Variants in COG6 observed in about 807,000 individuals in gnomAD.
COG6 encodes the protein conserved oligomeric Golgi complex subunit 6.
Under a neutral mutation model 88.8 loss-of-function variants are expected in COG6, and 74 were observed. That is an observed-to-expected ratio of 0.83 (90% CI 0.69 to 1.01). The LOEUF (loss-of-function observed/expected upper bound fraction) is 1.01, where lower values mean the gene tolerates loss of function less well. COG6 is among the 50% of genes least tolerant of loss of function. The pLI, the probability that COG6 is intolerant of heterozygous loss-of-function variation, is 0.00. For missense variants in COG6, 800 were observed against 797.9 expected, an observed-to-expected ratio of 1.00 and a Z score of -0.03; for synonymous variants, 286 against 278.7, an observed-to-expected ratio of 1.03 and a Z score of -0.26.
chr13:39,760,176 C>T (rs897544079), intron 18 of COG6, among the ~76,000 whole-genome samples: 4 of 152,046 alleles, frequency 2.6e-5, no homozygotes, highest in African/African-American at 9.7e-5. Context: ...GAGATTGCCC[C>T]GAGTCTTTCT....
chr13:39,678,031 C>T (rs1017731498), intron 5 of COG6: 3 of 446,948 alleles, frequency 6.7e-6, no homozygotes, highest in Non-Finnish European at 8.9e-6. Flanking sequence ...TTATCTCCTT[C>T]ATACATCATA....
At position 39,660,828 on chromosome 13, in the gene COG6, G is replaced by T; in HGVS notation, c.316G>T (p.Glu106Ter). The change falls in exon 3 of 19, where the codon GAA becomes TAA. Residue 106 changes from glutamate to a stop codon, truncating the protein, a stop_gained. Transcript: ENST00000455146. LOFTEE classifies it high-confidence loss of function. ...EVKEELESIS[E>*]DVQAMSNCCQ... is the part of the protein sequence containing the mutation. ...TTTTCAGGAACTTGAAAGCATAAGC[G>T]AAGATGTTCAAGCAATGAGCAACTG... The T allele has an allele frequency of 6.2e-7, 1 of 1,608,738 alleles. No individual in the cohort carries two copies. The highest frequency in any genetic ancestry group is 1.1e-5 in the South Asian group (1 of 90,982).
rs1235649396 is a variant in COG6 at position 39,665,123 on chromosome 13, A to G, written c.397A>G (p.Ile133Val). Residue 133 changes from isoleucine to valine, a missense_variant, in exon 4 of 19, where the codon ATA becomes GTA. Physicochemically the swap from Ile to Val is conservative, Grantham distance 29 (BLOSUM62 3). Coordinates refer to ENST00000455146, the MANE Select transcript of COG6 (RefSeq NM_020751.3). The part of the protein sequence containing the change: ...QAAKEQTQDL[I>V]VKTTKLQSES... ...AGCAAAGGAACAGACTCAAGATTTA[A>G]TAGTAAAAACCACTAAGCTTCAATC... is the stretch of plus-strand genomic sequence containing the variant. 4 of 1,518,682 alleles carry G rather than the reference A, an allele frequency of 2.6e-6. No individual in the cohort carries two copies. Among genetic ancestry groups the G allele is most frequent in the Non-Finnish European group, 2.7e-6 (3 of 1,094,042 alleles). 94.1% of individuals were successfully genotyped at this position (1,518,682 alleles called of 1,614,324 possible).
chr13:39,726,175 T>C (rs1879126133), intron 17 of COG6, among the ~76,000 whole-genome samples: 1 of 151,962 alleles, frequency 6.6e-6, no homozygotes, highest in South Asian at 2.1e-4. Context: ...CAATTCAGCA[T>C]GTCCAAAACT....
Position 39,655,780 on chromosome 13 carries a change from C to T in COG6, c.54C>T (p.Asn18=). 1.3e-6 allele frequency: 2 copies of T among 1,596,114 alleles called. No individual in the cohort carries two copies. Among genetic ancestry groups the T allele is most frequent in the Non-Finnish European group, 1.7e-6 (2 of 1,171,616 alleles). Residue 18 remains asparagine (N), a synonymous_variant, in exon 1 of 19, where the codon AAC becomes AAT. Coordinates refer to ENST00000455146, the MANE Select transcript of COG6 (RefSeq NM_020751.3). ...CAGTGTCTGCGACCGGGGCTGCCAA[C>T]GGCCTCAACAATGGGGCAGGCGGGA... ...VVAVSATGAA[N]GLNNGAGGTS...
chr13:39,667,886 T>G (rs1284138363), intron 4 of COG6, among the ~76,000 whole-genome samples: 1 of 152,224 alleles, frequency 6.6e-6, no homozygotes, highest in Non-Finnish European at 1.5e-5. Context: ...TAAAAAAGGC[T>G]AAATTTTATT....
At chr13:39,716,048 A>G (rs1364293504) in intron 13 of COG6, among the ~76,000 whole-genome samples, 1 of 152,022 alleles carries the variant, frequency 6.6e-6, no homozygotes, top group Non-Finnish European at 1.5e-5. Context: ...ATTTATTTGA[A>G]TCTAATGAAA....
chr13:39,730,398 C>A (rs925713857), intron 18 of COG6, among the ~76,000 whole-genome samples: 1 of 152,012 alleles, frequency 6.6e-6, no homozygotes, highest in African/African-American at 2.4e-5. Context: ...TTTAGACGAA[C>A]AGAAATTATG....
chr13:39,719,928 T>G, intron 15 of COG6, 101 bp downstream of exon 15: 1 of 855,674 alleles, frequency 1.2e-6, no homozygotes, highest in Non-Finnish European at 1.9e-6. Flanking sequence ...ACCTAATTCC[T>G]ATAGATCCCT....
rs142764359 is a variant in COG6, at chr13:39,724,087, T to C, written c.1693-421T>C. Among the ~76,000 whole-genome samples, 773 of 152,178 alleles carry C rather than the reference T, an allele frequency of 5.1e-3. 9 individuals are homozygous for C. The highest frequency in any genetic ancestry group is 0.018 in the African/African-American group (728 of 41,560). On this transcript the variant is annotated intron_variant, in intron 16 of 18. Coordinates refer to ENST00000455146, the MANE Select transcript of COG6 (RefSeq NM_020751.3). The stretch of plus-strand genomic sequence containing the variant: ...GCCCAGAAACTCTTAAATGAAGCTC[T>C]TAAAACACAACTTTTCAATTCTTTC...
At chr13:39,684,243 A>ATTGTTTTTTTTT (rs1876492432) in intron 8 of COG6, among the ~76,000 whole-genome samples, 1 of 67,382 alleles carries the variant, frequency 1.5e-5, no homozygotes, top group Non-Finnish European at 2.5e-5. Flanking sequence ...AATTTGGAAG[A>ATTGTTTTTTTTT]TTTTTTTTTT....
At chr13:39,665,584 T>C (rs567850504) in intron 4 of COG6, among the ~76,000 whole-genome samples, 1 of 152,296 alleles carries the variant, frequency 6.6e-6, no homozygotes, top group African/African-American at 2.4e-5. Context: ...ATACTATTGG[T>C]TGATTGAATG....
rs116810104 is a variant in COG6, at chr13:39,769,641, C to T, written c.1827-18694C>T. Among the ~76,000 whole-genome samples the T allele has an allele frequency of 4.5e-3, 686 of 152,164 alleles. 6 individuals are homozygous for T. The highest frequency in any genetic ancestry group is 0.015 in the African/African-American group (642 of 41,492). On this transcript the variant is annotated intron_variant, in intron 18 of 18. Transcript: ENST00000416691. The stretch of plus-strand genomic sequence containing the variant: ...AAACTGAAGAGTAGAGGGAAATAGT[C>T]GAATACAGTACTGCTATAGTCTGAA...
At chr13:39,694,974 C>CAT (rs999877946) in intron 12 of COG6, among the ~76,000 whole-genome samples, 11 of 150,936 alleles carry the variant, frequency 7.3e-5, no homozygotes, top group Admixed American at 3.3e-4. Context: ...CACACACACA[C>CAT]ACACACACAC....
intron 18 of COG6, among the ~76,000 whole-genome samples, chr13:39,739,653 C>T (rs1272153879): frequency 2.0e-5 from 3 of 152,066 alleles, no homozygotes; most frequent in Admixed American, 2.0e-4. Flanking sequence ...AGTACCATGA[C>T]ACTATGTTGG....
At chr13:39,699,328 A>G (rs969863185) in intron 12 of COG6, among the ~76,000 whole-genome samples, 173 bp from the exon 13 acceptor site, 3 of 151,854 alleles carry the variant, frequency 2.0e-5, no homozygotes, top group Admixed American at 6.6e-5. Flanking sequence ...ACTCAAAAGA[A>G]AAACAAAAAT....
At chr13:39,727,217 G>A (rs1191193551) in intron 17 of COG6, among the ~76,000 whole-genome samples, 1 of 152,012 alleles carries the variant, frequency 6.6e-6, no homozygotes, top group Non-Finnish European at 1.5e-5. Context: ...TTGTGAGGAA[G>A]ACTAAAATGA....
intron 18 of COG6, among the ~76,000 whole-genome samples, chr13:39,775,485 C>T (rs1236652139): frequency 3.3e-5 from 5 of 152,144 alleles, no homozygotes; most frequent in African/African-American, 1.2e-4. Flanking sequence ...ATCTGGGATC[C>T]AGTCCTGACT....
At chr13:39,758,517 A>T (rs1314718162) in intron 18 of COG6, among the ~76,000 whole-genome samples, 1 of 152,212 alleles carries the variant, frequency 6.6e-6, no homozygotes, top group African/African-American at 2.4e-5. Context: ...TCATTAGGGA[A>T]ATGCAAGTCA....
Sources: allele counts gnomAD v4.1 joint callset (sites outside exome capture counted in the v4.1 genomes callset), GRCh38; gene constraint gnomAD v4.1.1; transcripts MANE v1.5; gene names NCBI Gene and HGNC (gene_info 2026-07-23, HGNC 2026-07-21).